SLC5A7: variants seen among roughly 807,000 people sequenced by gnomAD.
SLC5A7 encodes solute carrier family 5 member 7.
A neutral mutation model predicts 55.4 loss-of-function variants in SLC5A7; 19 were observed. The observed-to-expected ratio is 0.34, with a 90% CI of 0.24 to 0.50. SLC5A7 has a LOEUF of 0.50. Among genes scored for constraint, SLC5A7 ranks in the 20% least tolerant of loss-of-function variants. SLC5A7 has a pLI of 0.98. For missense variants in SLC5A7, 506 were observed against 705.3 expected, an observed-to-expected ratio of 0.72 and a Z score of 3.20; for synonymous variants, 265 against 263.7, an observed-to-expected ratio of 1.00 and a Z score of -0.05.
At chr2:108,005,390 G>T (rs1558868973) in intron 6 of SLC5A7, among the ~76,000 whole-genome samples, 1 of 152,150 alleles carries the variant, frequency 6.6e-6, no homozygotes, top group Non-Finnish European at 1.5e-5. Context: ...TATTTTCTGA[G>T]AATATTTTAT....
Position 108,002,040 on chromosome 2 carries a change from G to A in SLC5A7, c.741G>A (p.Leu247=). The A allele has an allele frequency of 6.2e-7, 1 of 1,613,450 alleles. No individual in the cohort carries two copies. The highest frequency in any genetic ancestry group is 8.5e-7 in the Non-Finnish European group (1 of 1,179,684). Residue 247 remains leucine (L), a splice_region_variant and synonymous_variant, in exon 6 of 9, where the codon TTG becomes TTA. Transcript: ENST00000264047. ...CTTGGCTTGATAGTTTTCTGTTGTT[G>A]GTAAGTAATGCTCTTACCTGAAGAA... ...VYSWLDSFLL[L]MLGGIPWQAY... is the part of the protein sequence containing the mutation.
At chr2:108,005,969 T>C in intron 6 of SLC5A7, 80 bp from the exon 7 acceptor site, 1 of 1,554,300 alleles carries the variant, frequency 6.4e-7, no homozygotes, top group Non-Finnish European at 8.8e-7. Flanking sequence ...TACTTAGGCC[T>C]ATTCTAAATG....
At position 108,010,216 on chromosome 2, in the gene SLC5A7, T is replaced by C. The variant is rs1248016770; in HGVS notation, c.1114-16T>C. Reference sequence around the variant, plus strand: ...GACACTGTGCAAAAAGCTGACACTGTGGCAATTTCTTACAGGCTTCGGACA... The same window carrying C: ...GACACTGTGCAAAAAGCTGACACTGCGGCAATTTCTTACAGGCTTCGGACA... On this transcript the variant is annotated splice_polypyrimidine_tract_variant and intron_variant, in intron 8 of 8. Coordinates refer to ENST00000264047, the MANE Select transcript of SLC5A7 (RefSeq NM_021815.5). 1 of 1,606,000 alleles carries C rather than the reference T, an allele frequency of 6.2e-7. No homozygotes were observed. Among genetic ancestry groups the C allele is most frequent in the African/African-American group, 1.3e-5 (1 of 74,678 alleles).
intron 6 of SLC5A7, 77 bp from the exon 7 acceptor site, chr2:108,005,972 T>C: frequency 6.4e-7 from 1 of 1,573,388 alleles, no homozygotes; most frequent in Non-Finnish European, 8.7e-7. Flanking sequence ...TTAGGCCTAT[T>C]CTAAATGTGA....
chr2:107,992,230 G>A lies in SLC5A7; in HGVS notation c.292+11G>A, dbSNP rs777715689. The stretch of plus-strand genomic sequence containing the variant: ...TTAGTCTGATTTTAGGTAAGTGAAA[G>A]TGCAAATCTCAGTGACTCACTCAGT... On this transcript the variant is annotated intron_variant, in intron 3 of 8. Transcript: ENST00000264047. 8 of 1,546,980 alleles carry A rather than the reference G, an allele frequency of 5.2e-6. No individual in the cohort carries two copies. The highest frequency in any genetic ancestry group is 1.1e-5 in the South Asian group (1 of 89,570).
Position 108,013,590 on chromosome 2 carries a change from A to G in SLC5A7, c.*2729A>G, listed in dbSNP as rs1400854496. On this transcript the variant is annotated 3_prime_UTR_variant, in exon 9 of 9. Coordinates refer to ENST00000264047, the MANE Select transcript of SLC5A7 (RefSeq NM_021815.5). ...TTTACATGTTCTTCCAGCTTCAATC[A>G]GTAGACCTGATTTTCAAAATCTGCC... The G allele has an allele frequency of 6.6e-6, 1 of 152,172 alleles. No individual in the cohort carries two copies. Among genetic ancestry groups the G allele is most frequent in the Non-Finnish European group, 1.5e-5 (1 of 67,996 alleles). The allele number at this position is 152,172 out of a possible 1,614,324, so 9.4% of individuals were successfully genotyped here.
Position 108,011,002 on chromosome 2 carries a change from C to A in SLC5A7, c.*141C>A. The A allele has an allele frequency of 1.1e-6, 1 of 893,510 alleles. No individual in the cohort carries two copies. The highest frequency in any genetic ancestry group is 2.9e-5 in the South Asian group (1 of 33,926). 55.3% of individuals were successfully genotyped at this position (893,510 alleles called of 1,614,324 possible). ...TAAAAATTCATATAAAGTGCAATTG[C>A]ACAAATACAAGCCAAGCTAGAAGGA... On this transcript the variant is annotated 3_prime_UTR_variant, in exon 9 of 9. Transcript: ENST00000264047.
chr2:108,007,033 A>T (rs1171324881), intron 7 of SLC5A7, among the ~76,000 whole-genome samples: 2 of 152,220 alleles, frequency 1.3e-5, no homozygotes, highest in African/African-American at 2.4e-5. Context: ...GTTAGCCTCT[A>T]TGTAGAACAT....
intron 2 of SLC5A7, among the ~76,000 whole-genome samples, chr2:107,989,184 T>A (rs1176965451): frequency 1.3e-5 from 2 of 152,254 alleles, no homozygotes; most frequent in Non-Finnish European, 2.9e-5. Context: ...ACAGTTGCAC[T>A]AACAACACAT....
chr2:108,004,956 C>G (rs1202584514), intron 6 of SLC5A7, among the ~76,000 whole-genome samples: 2 of 152,152 alleles, frequency 1.3e-5, no homozygotes, highest in Non-Finnish European at 2.9e-5. Context: ...TTATATCATG[C>G]AACAAATTGC....
Position 108,010,566 on chromosome 2 carries a change from C to T in SLC5A7, c.1448C>T (p.Ala483Val), listed in dbSNP as rs1678284787. ...CAGAAATTTCCATTTAAAACACTTG[C>T]CATGGTTACATCATTCTTAACCAAC... The part of the protein sequence containing the change: ...YNQKFPFKTL[A>V]MVTSFLTNIC... Residue 483 changes from alanine (A) to valine (V), a missense_variant, in exon 9 of 9, where the codon GCC (alanine) becomes GTC (valine). Physicochemically the swap from Ala to Val is moderately conservative, Grantham distance 64. Coordinates refer to ENST00000264047, the MANE Select transcript of SLC5A7 (RefSeq NM_021815.5). The T allele has an allele frequency of 6.2e-7, 1 of 1,613,650 alleles. No homozygotes were observed. The highest frequency in any genetic ancestry group is 1.7e-5 in the Admixed American group (1 of 59,930).
intron 6 of SLC5A7, among the ~76,000 whole-genome samples, chr2:108,003,087 G>A (rs1644871599): frequency 6.6e-6 from 1 of 152,078 alleles, no homozygotes; most frequent in African/African-American, 2.4e-5. Flanking sequence ...TTCCAGTAGT[G>A]GACTGGAGGG....
At chr2:108,009,609 A>G (rs1268102278) in intron 8 of SLC5A7, among the ~76,000 whole-genome samples, 1 of 152,062 alleles carries the variant, frequency 6.6e-6, no homozygotes, top group Non-Finnish European at 1.5e-5. Flanking sequence ...GATGGCTTCC[A>G]CCTTCATCCA....
chr2:108,000,315 T>C (rs1202520824), intron 5 of SLC5A7, among the ~76,000 whole-genome samples: 1 of 152,204 alleles, frequency 6.6e-6, no homozygotes, highest in African/African-American at 2.4e-5. Flanking sequence ...CATATTTTCT[T>C]ATTACTTTAA....
intron 3 of SLC5A7, among the ~76,000 whole-genome samples, chr2:107,992,527 C>A (rs1416741688): frequency 6.6e-6 from 1 of 152,108 alleles, no homozygotes; most frequent in Non-Finnish European, 1.5e-5. Flanking sequence ...AAAAATGAAT[C>A]AACTTGAAAT....
At chr2:107,988,361 C>T in intron 2 of SLC5A7, 28 bp downstream of exon 2, 1 of 1,588,624 alleles carries the variant, frequency 6.3e-7, no homozygotes. Context: ...CGGCTCCATG[C>T]AGTCCTCCCT....
intron 7 of SLC5A7, among the ~76,000 whole-genome samples, chr2:108,007,841 G>A (rs543058429): frequency 9.9e-5 from 15 of 152,168 alleles, no homozygotes; most frequent in Non-Finnish European, 2.2e-4. Context: ...AAGAAGCTAT[G>A]TATTCAAAGA....
At chr2:107,991,943 A>G (rs1189553250) in intron 2 of SLC5A7, among the ~76,000 whole-genome samples, 163 bp from the exon 3 acceptor site, 1 of 152,228 alleles carries the variant, frequency 6.6e-6, no homozygotes, top group Non-Finnish European at 1.5e-5. Flanking sequence ...ATGAAAGAAA[A>G]AACATTTGAA....
At chr2:108,001,544 G>A (rs1349393651) in intron 5 of SLC5A7, among the ~76,000 whole-genome samples, 1 of 150,034 alleles carries the variant, frequency 6.7e-6, no homozygotes, top group Non-Finnish European at 1.5e-5. Context: ...GTAGTGGCGG[G>A]CGCCTGTAGT....
Sources: allele counts gnomAD v4.1 joint callset (sites outside exome capture counted in the v4.1 genomes callset), GRCh38; gene constraint gnomAD v4.1.1; transcripts MANE v1.5; gene names NCBI Gene and HGNC (gene_info 2026-07-23, HGNC 2026-07-21).